MGAT5: variants seen among roughly 807,000 people sequenced by gnomAD.
The protein encoded by MGAT5 is alpha-1,6-mannosylglycoprotein 6-beta-N-acetylglucosaminyltransferase A.
A neutral mutation model predicts 94.3 loss-of-function variants in MGAT5; 30 were observed. The ratio of observed to expected loss-of-function variants is 0.32; its 90% CI spans 0.24 to 0.43. The LOEUF (loss-of-function observed/expected upper bound fraction) is 0.43. Ranked by LOEUF, MGAT5 falls within the 20% of genes least tolerant of loss-of-function variation. The pLI is 1.00. For synonymous variants in MGAT5, 310 were observed against 322.9 expected (o/e 0.96, Z 0.43); for missense variants, 691 against 905.5 (o/e 0.76, Z 3.04).
At chr2:134,414,961 C>T (rs533462889) in intron 12 of MGAT5, among the ~76,000 whole-genome samples, 1 of 152,272 alleles carries the variant, frequency 6.6e-6, no homozygotes, top group East Asian at 1.9e-4. Context: ...ATGGGATTTC[C>T]TTCTTTTGCA....
In MGAT5 at chr2:134,448,978, A is replaced by G. The variant is rs1685952857; in HGVS notation, c.*131A>G. The G allele has an allele frequency of 4.4e-6, 4 of 908,432 alleles. No homozygotes were observed. The highest frequency in any genetic ancestry group is 3.3e-5 in the South Asian group (2 of 60,034). 56.3% of individuals were successfully genotyped at this position (908,432 alleles called of 1,614,324 possible). A position where few individuals can be genotyped will look rare whatever the true frequency, so the allele number is the denominator to read the frequency against. ...TGAACTTTTTCGTAGAAGGTTCTGA[A>G]TTGGCATTGCCCTTGCTGCACTCCG... On this transcript the variant is annotated 3_prime_UTR_variant, in exon 16 of 16. Transcript: ENST00000281923.
intron 10 of MGAT5, among the ~76,000 whole-genome samples, chr2:134,370,189 C>G (rs1419057919): frequency 6.6e-6 from 1 of 152,144 alleles, no homozygotes; most frequent in Admixed American, 6.5e-5. Context: ...ATTAACTGCT[C>G]TTAGCTCATT....
At chr2:134,261,435 T>C (rs1683325964) in intron 1 of MGAT5, among the ~76,000 whole-genome samples, 1 of 152,204 alleles carries the variant, frequency 6.6e-6, no homozygotes, top group African/African-American at 2.4e-5. Context: ...GGTGGCTCTC[T>C]TCTAGGACAA....
At chr2:134,171,013 A>G (rs759444182) in intron 1 of MGAT5, among the ~76,000 whole-genome samples, 1 of 152,076 alleles carries the variant, frequency 6.6e-6, no homozygotes, top group Non-Finnish European at 1.5e-5. Flanking sequence ...GGCACGTACC[A>G]TCACACCAAG....
chr2:134,139,707 G>A (rs1388157394), intron 1 of MGAT5, among the ~76,000 whole-genome samples: 1 of 152,166 alleles, frequency 6.6e-6, no homozygotes, highest in Non-Finnish European at 1.5e-5. Flanking sequence ...CAGCTGAGGT[G>A]CAAAATCAAA....
intron 9 of MGAT5, among the ~76,000 whole-genome samples, chr2:134,354,563 C>G (rs572004609): frequency 1.6e-4 from 25 of 152,240 alleles, no homozygotes; most frequent in Non-Finnish European, 3.5e-4. Flanking sequence ...AACTCGTTTC[C>G]TAAGTTGGTG....
intron 4 of MGAT5, among the ~76,000 whole-genome samples, chr2:134,327,799 G>A (rs889918904): frequency 1.3e-5 from 2 of 152,100 alleles, no homozygotes; most frequent in African/African-American, 4.8e-5. Context: ...TGAGCCAATT[G>A]TATTAGAAGG....
chr2:134,248,311 A>G (rs1350560008), intron 1 of MGAT5, among the ~76,000 whole-genome samples: 1 of 152,194 alleles, frequency 6.6e-6, no homozygotes, highest in Non-Finnish European at 1.5e-5. Flanking sequence ...CATTGCCGGC[A>G]TTTCTTGTCT....
intron 12 of MGAT5, among the ~76,000 whole-genome samples, chr2:134,419,442 T>TTTTGTG (rs1684163070): frequency 7.5e-6 from 1 of 134,136 alleles, no homozygotes; most frequent in Admixed American, 7.7e-5. Flanking sequence ...GCTTCAGGGT[T>TTTTGTG]TGTGTGTGTG....
intron 2 of MGAT5, among the ~76,000 whole-genome samples, chr2:134,284,665 C>T (rs1417047493): frequency 2.0e-5 from 3 of 151,722 alleles, no homozygotes; most frequent in African/African-American, 7.3e-5. Context: ...TTTATTAGTT[C>T]TTTCCTCAGA....
chr2:134,275,172 G>A (rs757173525), intron 2 of MGAT5, among the ~76,000 whole-genome samples: 1 of 152,200 alleles, frequency 6.6e-6, no homozygotes, highest in Non-Finnish European at 1.5e-5. Flanking sequence ...TCAGATACTG[G>A]TATGTCAGTG....
chr2:134,227,580 G>A (rs1364501320), intron 1 of MGAT5, among the ~76,000 whole-genome samples: 1 of 152,204 alleles, frequency 6.6e-6, no homozygotes, highest in East Asian at 1.9e-4. Context: ...TATGGGTATA[G>A]GCTGTATTCT....
intron 2 of MGAT5, among the ~76,000 whole-genome samples, chr2:134,302,127 A>G (rs1323941051): frequency 1.3e-5 from 2 of 152,176 alleles, no homozygotes; most frequent in Non-Finnish European, 2.9e-5. Flanking sequence ...TCATTGTACT[A>G]CAAGAGCAAC....
At chr2:134,378,243 C>T (rs1016768097) in intron 10 of MGAT5, among the ~76,000 whole-genome samples, 2 of 152,122 alleles carry the variant, frequency 1.3e-5, no homozygotes, top group African/African-American at 2.4e-5. Context: ...AGGATCCTGC[C>T]GCCCCAGCAC....
Position 134,422,813 on chromosome 2 carries a change from A to G in MGAT5, c.1688A>G (p.Gln563Arg), listed in dbSNP as rs199878442. ...GKPTLRELTSQHPYAEVFIGR... is the reference protein window; with the variant it reads ...GKPTLRELTSRHPYAEVFIGR... The stretch of plus-strand genomic sequence containing the variant: ...TCGGTTCTTTTCCAGCTGACATCCC[A>G]GCATCCTTACGCTGAAGTTTTCATC... Residue 563 changes from glutamine (Q) to arginine (R), a missense_variant, in exon 13 of 16, where the codon CAG (glutamine) becomes CGG (arginine). This residue lies in a region of MGAT5 where 260 missense variants were observed against 347.0 expected (regional missense o/e 0.75). Transcript: ENST00000281923. 6.2e-7 allele frequency: 1 copy of G among 1,613,750 alleles called. No individual in the cohort carries two copies. The highest frequency in any genetic ancestry group is 8.5e-7 in the Non-Finnish European group (1 of 1,179,710).
At chr2:134,260,251 A>G (rs1344027152) in intron 1 of MGAT5, among the ~76,000 whole-genome samples, 2 of 152,210 alleles carry the variant, frequency 1.3e-5, no homozygotes, top group Non-Finnish European at 2.9e-5. Context: ...ACCTCACCCT[A>G]TAGTTCACTG....
chr2:134,247,175 G>A (rs867045435), intron 1 of MGAT5, among the ~76,000 whole-genome samples: 6 of 152,254 alleles, frequency 3.9e-5, no homozygotes, highest in South Asian at 2.1e-4. Context: ...GCTGAAAAGA[G>A]AAGTAGTAGA....
rs534313812 is a variant in MGAT5, at chr2:134,178,041, T to C, written c.-143+57750T>C. Among the ~76,000 whole-genome samples the C allele has an allele frequency of 4.1e-4, 62 of 152,288 alleles. 4 individuals carry two copies. In the East Asian group the frequency reaches 0.012, roughly 28 times the overall value. On this transcript the variant is annotated intron_variant, in intron 1 of 16. Transcript: ENST00000409645. ...TATTTGCATAAGTGTGCTTTTTTTCTTCGTGCAGTGGTGAATTAAAGACAA... is the reference window on the plus strand; with the variant it reads ...TATTTGCATAAGTGTGCTTTTTTTCCTCGTGCAGTGGTGAATTAAAGACAA...
At chr2:134,334,013 T>C (rs891520824) in intron 4 of MGAT5, among the ~76,000 whole-genome samples, 2 of 148,000 alleles carry the variant, frequency 1.4e-5, no homozygotes, top group Non-Finnish European at 3.1e-5. Flanking sequence ...CTTCCCGCTC[T>C]GTGCTAAGAT....
Sources: gnomAD v4.1 joint callset for allele counts (sites outside exome capture counted in the v4.1 genomes callset) on GRCh38, gnomAD v4.1.1 for gene constraint, gnomAD v4.1.1 regional missense constraint, MANE v1.5 for transcripts, NCBI Gene and HGNC (gene_info 2026-07-23, HGNC 2026-07-21) for gene names.